Variants in GRB14 observed in about 807,000 individuals in gnomAD.
The protein encoded by GRB14 is growth factor receptor bound protein 14.
GRB14 carries 38 observed loss-of-function variants against 69.1 expected under a neutral mutation model. The observed-to-expected ratio is 0.55, with a 90% confidence interval of 0.42 to 0.72. GRB14 has a LOEUF of 0.72. Among genes scored for constraint, GRB14 ranks in the 30% least tolerant of loss-of-function variants. The pLI is 0.00. For synonymous variants in GRB14, 247 were observed against 241.3 expected (o/e 1.02, Z -0.22); for missense variants, 666 against 666.1 (o/e 1.00, Z 0.00).
At chr2:164,562,796 C>G (rs1394473724) in intron 2 of GRB14, among the ~76,000 whole-genome samples, 1 of 152,184 alleles carries the variant, frequency 6.6e-6, no homozygotes, top group Non-Finnish European at 1.5e-5. Flanking sequence ...CTCCCAAAGC[C>G]AGGGCACTGG....
chr2:164,564,575 T>C (rs187324027), intron 2 of GRB14, among the ~76,000 whole-genome samples: 1 of 152,330 alleles, frequency 6.6e-6, no homozygotes, highest in African/African-American at 2.4e-5. Context: ...TCAAAAGGAT[T>C]TGAATCTTAA....
chr2:164,545,745 T>C (rs1344430308), intron 3 of GRB14, among the ~76,000 whole-genome samples: 1 of 152,244 alleles, frequency 6.6e-6, no homozygotes, highest in East Asian at 1.9e-4. Context: ...TCCTGTCTTA[T>C]CTACTTATAT....
chr2:164,554,328 T>C (rs943317309), intron 2 of GRB14, among the ~76,000 whole-genome samples: 1 of 152,198 alleles, frequency 6.6e-6, no homozygotes, highest in Non-Finnish European at 1.5e-5. Flanking sequence ...CCCAAATTCA[T>C]AGCTTGCTTT....
In GRB14 at chr2:164,579,161, G is replaced by C. The variant is rs991161844; in HGVS notation, c.325-31345C>G. Among the ~76,000 whole-genome samples the C allele has an allele frequency of 2.0e-5, 3 of 152,040 alleles. No individual in the cohort carries two copies. The South Asian group carries it at 6.2e-4, about 32-fold the overall frequency. On this transcript the variant is annotated intron_variant, in intron 2 of 13. Coordinates refer to ENST00000263915, the MANE Select transcript of GRB14 (RefSeq NM_004490.3). ...TTGTCAATCATTTCTTAGAAACCGT[G>C]ACTTTAAGCCAAAAGACATAATAAA... is the stretch of plus-strand genomic sequence containing the variant.
intron 8 of GRB14, among the ~76,000 whole-genome samples, chr2:164,507,170 A>G (rs1687213223): frequency 6.6e-6 from 1 of 152,222 alleles, no homozygotes; most frequent in South Asian, 2.1e-4. Context: ...GATTCTGATT[A>G]TTACTATTCT....
chr2:164,566,654 A>G (rs1688982412), intron 2 of GRB14, among the ~76,000 whole-genome samples: 3 of 152,010 alleles, frequency 2.0e-5, no homozygotes, highest in African/African-American at 2.4e-5. Flanking sequence ...CCCATAACCA[A>G]TTTCCCCTAG....
chr2:164,533,224 CTTTTTTTTTTTTTTT>C (rs537913705), intron 3 of GRB14, among the ~76,000 whole-genome samples: 2 of 80,348 alleles, frequency 2.5e-5, no homozygotes, highest in African/African-American at 1.0e-4. Flanking sequence ...GTTTCCAATT[CTTTTTTTTTTTTTTT>C]TTTTTTTTTT....
At chr2:164,505,551 T>A (rs544743610) in intron 8 of GRB14, among the ~76,000 whole-genome samples, 11 of 152,274 alleles carry the variant, frequency 7.2e-5, no homozygotes, top group Non-Finnish European at 1.5e-4. Flanking sequence ...GACTCTGAGA[T>A]GAAAATGATT....
At chr2:164,540,474 T>C (rs1047739850) in intron 3 of GRB14, among the ~76,000 whole-genome samples, 20 of 152,142 alleles carry the variant, frequency 1.3e-4, no homozygotes, top group African/African-American at 4.8e-4. Context: ...CTGGGTGTGG[T>C]GTCAGGCTCC....
chr2:164,536,147 T>G (rs1246236295), intron 3 of GRB14, among the ~76,000 whole-genome samples: 1 of 152,218 alleles, frequency 6.6e-6, no homozygotes, highest in Non-Finnish European at 1.5e-5. Context: ...TCCATCCTTT[T>G]AATTTTTTGA....
chr2:164,562,338 A>T (rs1342781179), intron 2 of GRB14, among the ~76,000 whole-genome samples: 1 of 152,200 alleles, frequency 6.6e-6, no homozygotes, highest in Non-Finnish European at 1.5e-5. Flanking sequence ...GTTCCCAAAG[A>T]TTTTAAAAAA....
Position 164,621,386 on chromosome 2 carries a change from G to A in GRB14, c.-77C>T. 1.7e-6 allele frequency: 2 copies of A among 1,178,332 alleles called. No individual in the cohort carries two copies. Among genetic ancestry groups the A allele is most frequent in the Non-Finnish European group, 2.1e-6 (2 of 937,232 alleles). The allele number at this position is 1,178,332 out of a possible 1,614,324, so 73.0% of individuals were successfully genotyped here. On this transcript the variant is annotated 5_prime_UTR_variant, in exon 1 of 14. Coordinates refer to ENST00000263915, the MANE Select transcript of GRB14 (RefSeq NM_004490.3). This position sits in a 1 kb window ranked among gnomAD's most constrained non-coding sequence, Gnocchi z 6.0. Reference sequence around the variant, plus strand: ...AAGGGGTTTGCGCGGCGGGAGGCGAGGTGCCGGCTAGGCAGCCCGAGCGCT... The same window carrying A: ...AAGGGGTTTGCGCGGCGGGAGGCGAAGTGCCGGCTAGGCAGCCCGAGCGCT...
rs1690459304 is a variant in GRB14 at position 164,621,373 on chromosome 2, C to A, written c.-64G>T. The A allele has an allele frequency of 8.2e-7, 1 of 1,218,042 alleles. No homozygotes were observed. Among genetic ancestry groups the A allele is most frequent in the Non-Finnish European group, 1.0e-6 (1 of 970,704 alleles). 75.5% of individuals were successfully genotyped at this position (1,218,042 alleles called of 1,614,324 possible). On this transcript the variant is annotated 5_prime_UTR_variant, in exon 1 of 14. Coordinates refer to ENST00000263915, the MANE Select transcript of GRB14 (RefSeq NM_004490.3). This position sits in a 1 kb window ranked among gnomAD's most constrained non-coding sequence, Gnocchi z 6.0. ...GGCGCGTGGGGAGAAGGGGTTTGCG[C>A]GGCGGGAGGCGAGGTGCCGGCTAGG...
In GRB14 at chr2:164,508,731, T is replaced by C; in HGVS notation, c.927+11A>G. 1 of 1,564,414 alleles carries C rather than the reference T, an allele frequency of 6.4e-7. No homozygotes were observed. The highest frequency in any genetic ancestry group is 8.6e-7 in the Non-Finnish European group (1 of 1,157,164). ...TTGCTTTATTCATCTATCAAAATAT[T>C]AAGCCTGTACCTTAAAGCAGAATCC... On this transcript the variant is annotated intron_variant, in intron 7 of 13. Coordinates refer to ENST00000263915, the MANE Select transcript of GRB14 (RefSeq NM_004490.3).
intron 2 of GRB14, among the ~76,000 whole-genome samples, chr2:164,618,772 A>G (rs1418755915): frequency 6.6e-6 from 1 of 152,248 alleles, no homozygotes. Context: ...ATAAAGGTGC[A>G]GAAATAAGAA....
intron 3 of GRB14, among the ~76,000 whole-genome samples, chr2:164,545,709 G>T (rs753225234): frequency 2.0e-5 from 3 of 152,158 alleles, no homozygotes; most frequent in African/African-American, 7.2e-5. Context: ...TCAAAGAATC[G>T]AATGACACTG....
chr2:164,572,153 T>C (rs1423739560), intron 2 of GRB14, among the ~76,000 whole-genome samples: 3 of 152,116 alleles, frequency 2.0e-5, no homozygotes, highest in African/African-American at 7.2e-5. Flanking sequence ...AGAAGAAAAA[T>C]GCTATTAGGT....
chr2:164,520,094 C>T (rs1687599926), intron 6 of GRB14, among the ~76,000 whole-genome samples: 3 of 152,112 alleles, frequency 2.0e-5, no homozygotes, highest in Admixed American at 2.0e-4. Context: ...GGAGGCATCA[C>T]ATTACCCGAC....
At chr2:164,534,697 G>T (rs1004649373) in intron 3 of GRB14, among the ~76,000 whole-genome samples, 1 of 151,996 alleles carries the variant, frequency 6.6e-6, no homozygotes, top group African/African-American at 2.4e-5. Context: ...TTTTAACCAA[G>T]TAAGTAATCC....
Sources: allele counts gnomAD v4.1 joint callset (sites outside exome capture counted in the v4.1 genomes callset), GRCh38; gene constraint gnomAD v4.1.1; non-coding constraint Gnocchi (gnomAD v3.1); transcripts MANE v1.5; gene names NCBI Gene and HGNC (gene_info 2026-07-23, HGNC 2026-07-21).